Variants in NFATC1 observed in about 807,000 individuals in gnomAD.
NFATC1 encodes nuclear factor of activated T cells 1.
In NFATC1, 22 loss-of-function variants were observed where a neutral mutation model predicts 76.0. The ratio of observed to expected loss-of-function variants is 0.29; its 90% CI spans 0.21 to 0.41. The LOEUF (loss-of-function observed/expected upper bound fraction) is 0.41, where lower values mean the gene tolerates loss of function less well. Ranked by LOEUF, NFATC1 falls within the 10% of genes least tolerant of loss-of-function variation. The probability of loss-of-function intolerance (pLI) is 1.00; values close to 1 mark genes in which losing one functional copy is unlikely to be tolerated. For synonymous variants in NFATC1, 704 were observed against 613.1 expected (o/e 1.15, Z -2.19); for missense variants, 1,357 against 1,337.7 (o/e 1.01, Z -0.23).
chr18:79,442,171 A>G (rs899724892), intron 3 of NFATC1, among the ~76,000 whole-genome samples: 1 of 152,130 alleles, frequency 6.6e-6, no homozygotes, highest in Non-Finnish European at 1.5e-5. Context: ...GGGGGAGGGC[A>G]CCAGTTCTCC....
At chr18:79,409,267 A>G (rs954691583) in intron 1 of NFATC1, among the ~76,000 whole-genome samples, 17 of 136,756 alleles carry the variant, frequency 1.2e-4, no homozygotes, top group Non-Finnish European at 7.9e-5. Flanking sequence ...CTATCCATCC[A>G]TCTATCATCC....
At chr18:79,467,180 C>T (rs1224165912) in intron 7 of NFATC1, among the ~76,000 whole-genome samples, 2 of 152,260 alleles carry the variant, frequency 1.3e-5, no homozygotes, top group Non-Finnish European at 2.9e-5. Flanking sequence ...TCCCTGTGAG[C>T]GTGCGTGTCC....
Position 79,410,339 on chromosome 18 carries a change from T to C in NFATC1, c.128-64T>C, listed in dbSNP as rs1311307330. ...CGGGGGTTGCTGGCCGGCCCTGAGT[T>C]CATGGGTTTCTGCTTTGTGATGCCC... On this transcript the variant is annotated intron_variant, in intron 1 of 9. Transcript: ENST00000427363. This position sits in a 1 kb window ranked among gnomAD's most constrained non-coding sequence, Gnocchi z 6.7. 3 of 1,540,616 alleles carry C rather than the reference T, an allele frequency of 1.9e-6. No homozygotes were observed. The highest frequency in any genetic ancestry group is 2.6e-6 in the Non-Finnish European group (3 of 1,147,744).
intron 9 of NFATC1, among the ~76,000 whole-genome samples, chr18:79,523,082 C>T (rs192340258): frequency 1.3e-5 from 2 of 152,344 alleles, no homozygotes; most frequent in East Asian, 1.9e-4. Context: ...TGGGTGACTA[C>T]AGTACCTGCC....
chr18:79,478,512 C>T (rs1421563006), intron 8 of NFATC1, among the ~76,000 whole-genome samples: 7 of 152,286 alleles, frequency 4.6e-5, no homozygotes, highest in Admixed American at 6.5e-5. Flanking sequence ...CGAGGGGCTG[C>T]GGTGGGTGAA....
intron 9 of NFATC1, among the ~76,000 whole-genome samples, chr18:79,526,308 C>T (rs1234169572): frequency 6.6e-6 from 1 of 152,256 alleles, no homozygotes; most frequent in Non-Finnish European, 1.5e-5. Context: ...ACACTGGGGG[C>T]GGAGCCCTCT....
intron 9 of NFATC1, among the ~76,000 whole-genome samples, chr18:79,502,121 T>C (rs187917585): frequency 1.1e-3 from 170 of 152,348 alleles, no homozygotes; most frequent in African/African-American, 3.7e-3. Flanking sequence ...TGTGAAGCTA[T>C]AATAATCAAG....
At position 79,451,617 on chromosome 18, in the gene NFATC1, G is replaced by A. The variant is rs533790815; in HGVS notation, c.1763-59G>A. ...ACGTGTGACCTGCTGGGTGCCACAC[G>A]TGTGCCCCAGGCCGCCCACTCAGGA... On this transcript the variant is annotated intron_variant, in intron 5 of 9. Coordinates refer to ENST00000427363, the MANE Select transcript of NFATC1 (RefSeq NM_001278669.2). 1.7e-5 allele frequency: 24 copies of A among 1,451,026 alleles called. No individual in the cohort carries two copies. The Middle Eastern group carries it at 1.4e-3, about 83-fold the overall frequency. 89.9% of individuals were successfully genotyped at this position (1,451,026 alleles called of 1,614,324 possible). A position where few individuals can be genotyped will look rare whatever the true frequency, so the allele number is the denominator to read the frequency against.
At chr18:79,514,594 A>T (rs1397777144) in intron 9 of NFATC1, among the ~76,000 whole-genome samples, 1 of 140,402 alleles carries the variant, frequency 7.1e-6, no homozygotes, top group Non-Finnish European at 1.6e-5. Context: ...AAAAAAAACC[A>T]ATCTCACTCC....
chr18:79,485,117 C>G (rs1465763141), intron 8 of NFATC1, among the ~76,000 whole-genome samples: 1 of 152,232 alleles, frequency 6.6e-6, no homozygotes, highest in Non-Finnish European at 1.5e-5. Flanking sequence ...TGTGTACTGG[C>G]TTTGGGGGCC....
intron 9 of NFATC1, among the ~76,000 whole-genome samples, chr18:79,511,297 G>A (rs1042334741): frequency 2.6e-5 from 4 of 152,148 alleles, no homozygotes; most frequent in East Asian, 1.9e-4. Flanking sequence ...TACAAGGCCC[G>A]ACTCTGCCTC....
At position 79,396,371 on chromosome 18, in the gene NFATC1, C is replaced by T; in HGVS notation, c.127+20C>T. ...AGGAAGGTAAGCCCCGCGCGGCCTC[C>T]GCCCCCGGACCCCTGCGCCCCCCAC... On this transcript the variant is annotated intron_variant, in intron 1 of 9. Coordinates refer to ENST00000427363, the MANE Select transcript of NFATC1 (RefSeq NM_001278669.2). The T allele has an allele frequency of 2.3e-6, 3 of 1,288,978 alleles. No individual in the cohort carries two copies. The highest frequency in any genetic ancestry group is 2.0e-6 in the Non-Finnish European group (2 of 1,003,322). The allele number at this position is 1,288,978 out of a possible 1,614,324, so 79.8% of individuals were successfully genotyped here. A position where few individuals can be genotyped will look rare whatever the true frequency, so the allele number is the denominator to read the frequency against.
intron 9 of NFATC1, among the ~76,000 whole-genome samples, chr18:79,516,521 C>G (rs1383207572): frequency 3.9e-5 from 6 of 152,194 alleles, no homozygotes; most frequent in Admixed American, 3.9e-4. Flanking sequence ...CAGAACCGCC[C>G]TTGTTCTTAC....
chr18:79,476,524 C>A (rs1396185889), intron 8 of NFATC1, among the ~76,000 whole-genome samples: 1 of 152,246 alleles, frequency 6.6e-6, no homozygotes, highest in Non-Finnish European at 1.5e-5. Flanking sequence ...CCCACTTGCG[C>A]TTCCCCTCGC....
chr18:79,495,732 C>G (rs1486272814), intron 9 of NFATC1, among the ~76,000 whole-genome samples: 1 of 152,264 alleles, frequency 6.6e-6, no homozygotes, highest in East Asian at 1.9e-4. Flanking sequence ...CCTTTGTCAT[C>G]TTGTGTAGGC....
intron 2 of NFATC1, among the ~76,000 whole-genome samples, chr18:79,432,716 G>A (rs960195178): frequency 6.6e-6 from 1 of 152,208 alleles, no homozygotes; most frequent in Non-Finnish European, 1.5e-5. Flanking sequence ...CCCCCTAGAT[G>A]CAAGAACCCC....
intron 2 of NFATC1, among the ~76,000 whole-genome samples, chr18:79,424,555 GTCTC>G (rs1052157804): frequency 1.4e-5 from 2 of 147,584 alleles, no homozygotes; most frequent in South Asian, 2.2e-4. Flanking sequence ...CTCTGTCTCT[GTCTC>G]TCTCTGTCTC....
chr18:79,416,538 G>A (rs568581573), intron 2 of NFATC1, among the ~76,000 whole-genome samples: 78 of 152,310 alleles, frequency 5.1e-4, no homozygotes, highest in Admixed American at 1.0e-3. Context: ...GCGTTGTACC[G>A]AACCCCAGCA....
At chr18:79,521,155 G>A (rs1601002168) in intron 9 of NFATC1, among the ~76,000 whole-genome samples, 2 of 100,836 alleles carry the variant, frequency 2.0e-5, no homozygotes, top group Non-Finnish European at 2.0e-5. Flanking sequence ...TGTGTGTAGG[G>A]GGGGAGCATC....
Sources: allele counts gnomAD v4.1 joint callset (sites outside exome capture counted in the v4.1 genomes callset), GRCh38; gene constraint gnomAD v4.1.1; non-coding constraint Gnocchi (gnomAD v3.1); transcripts MANE v1.5; gene names NCBI Gene and HGNC (gene_info 2026-07-23, HGNC 2026-07-21).